Variants in VAV2 observed in about 807,000 individuals in gnomAD.
VAV2 encodes guanine nucleotide exchange factor VAV2.
VAV2 carries 67 observed loss-of-function variants against 132.5 expected under a neutral mutation model. That is an observed-to-expected ratio of 0.51 (90% CI 0.42 to 0.62). The LOEUF (loss-of-function observed/expected upper bound fraction) is 0.62, where lower values mean the gene tolerates loss of function less well. Among genes scored for constraint, VAV2 ranks in the 20% least tolerant of loss-of-function variants. The pLI is 0.00. For missense variants in VAV2, 938 were observed against 1,153.6 expected, an observed-to-expected ratio of 0.81 and a Z score of 2.71; for synonymous variants, 492 against 443.5, an observed-to-expected ratio of 1.11 and a Z score of -1.37.
At chr9:133,898,447 A>T (rs1839302986) in intron 2 of VAV2, among the ~76,000 whole-genome samples, 1 of 151,320 alleles carries the variant, frequency 6.6e-6, no homozygotes, top group Admixed American at 6.6e-5. Context: ...TACAAAAATC[A>T]GCCAGGCGTG....
chr9:133,961,480 C>T lies in VAV2; in HGVS notation c.205-22261G>A, dbSNP rs1040294633. On this transcript the variant is annotated intron_variant, in intron 1 of 29. Coordinates refer to ENST00000371850, the MANE Select transcript of VAV2 (RefSeq NM_001134398.2). This position sits in a 1 kb window ranked among gnomAD's most constrained non-coding sequence, Gnocchi z 4.1. ...CTGGAATCCCCTTCTCCAACCCAGT[C>T]GGGTTTCAGTGACCCAAGGTCAGAG... Among the ~76,000 whole-genome samples, 7 of 152,168 alleles carry T rather than the reference C, an allele frequency of 4.6e-5. No individual in the cohort carries two copies. The highest frequency in any genetic ancestry group is 1.2e-4 in the African/African-American group (5 of 41,426).
chr9:133,828,281 GCGCCCAC>G, intron 4 of VAV2, among the ~76,000 whole-genome samples: 1 of 92,212 alleles, frequency 1.1e-5, no homozygotes, highest in African/African-American at 5.5e-5. Flanking sequence ...AGCTACCGCT[GCGCCCAC>G]TGGGGCTGAC....
chr9:133,809,939 C>T (rs901750712), intron 6 of VAV2, among the ~76,000 whole-genome samples: 1 of 152,210 alleles, frequency 6.6e-6, no homozygotes, highest in Non-Finnish European at 1.5e-5. Flanking sequence ...CCATCATCAT[C>T]CTCCAAGAAA....
chr9:133,919,877 G>A lies in VAV2; in HGVS notation c.321+19226C>T, dbSNP rs950906469. Among the ~76,000 whole-genome samples the A allele has an allele frequency of 6.6e-6, 1 of 152,176 alleles. No individual in the cohort carries two copies. The highest frequency in any genetic ancestry group is 2.4e-5 in the African/African-American group (1 of 41,446). On this transcript the variant is annotated intron_variant, in intron 2 of 29. Coordinates refer to ENST00000371850, the MANE Select transcript of VAV2 (RefSeq NM_001134398.2). This position sits in a 1 kb window ranked among gnomAD's most constrained non-coding sequence, Gnocchi z 5.8. ...ACCACCCAACCGCATGTCCTCCGCGGAGCCCAGAGTCAGTTCTGCTGGACA... is the reference window on the plus strand; with the variant it reads ...ACCACCCAACCGCATGTCCTCCGCGAAGCCCAGAGTCAGTTCTGCTGGACA...
At chr9:133,897,320 G>A (rs1350428633) in intron 2 of VAV2, among the ~76,000 whole-genome samples, 1 of 152,162 alleles carries the variant, frequency 6.6e-6, no homozygotes, top group African/African-American at 2.4e-5. Context: ...GCCTCTCACT[G>A]GGTCAGGAGC....
At chr9:133,938,526 G>A (rs924067630) in intron 2 of VAV2, among the ~76,000 whole-genome samples, 37 of 152,040 alleles carry the variant, frequency 2.4e-4, no homozygotes, top group African/African-American at 7.7e-4. Flanking sequence ...CAGGACTGGT[G>A]CCATGTGAGG....
At chr9:133,986,588 C>T (rs1022577129) in intron 1 of VAV2, among the ~76,000 whole-genome samples, 4 of 152,160 alleles carry the variant, frequency 2.6e-5, no homozygotes, top group African/African-American at 7.2e-5. Flanking sequence ...TTGCAGTAAA[C>T]GCACTGATGC....
chr9:133,964,048 TACATATATATACATATATATAA>T lies in VAV2; in HGVS notation c.205-24851_205-24830del, dbSNP rs1360379757. Among the ~76,000 whole-genome samples, 17 of 80,472 alleles carry T rather than the reference TACATATATATACATATATATAA, an allele frequency of 2.1e-4. 3 individuals are homozygous for T. Among genetic ancestry groups the T allele is most frequent in the South Asian group, 2.1e-3 (4 of 1,896 alleles). 52.8% of individuals were successfully genotyped at this position (80,472 alleles called of 152,430 possible). On this transcript the variant is annotated intron_variant, in intron 1 of 29. Coordinates refer to ENST00000371850, the MANE Select transcript of VAV2 (RefSeq NM_001134398.2). ...ATATATATATATATATATATATATATACATATATATACATATATATAAATGAATAGGCCAGGTATGTTGGCTC... is the reference window on the plus strand; with the variant it reads ...ATATATATATATATATATATATATATATGAATAGGCCAGGTATGTTGGCTC...
intron 2 of VAV2, among the ~76,000 whole-genome samples, chr9:133,898,114 G>T (rs1290819482): frequency 6.6e-6 from 1 of 152,022 alleles, no homozygotes; most frequent in Non-Finnish European, 1.5e-5. Context: ...CTGCATCCGG[G>T]TACCCTGAGG....
intron 2 of VAV2, among the ~76,000 whole-genome samples, chr9:133,915,924 C>T (rs10993854): frequency 0.11 from 16,028 of 151,604 alleles, 1,577 homozygotes; most frequent in African/African-American, 0.26. Context: ...ACACAATGCA[C>T]ACATGCACAC....
rs1018570207 is a variant in VAV2, at chr9:133,960,987, G to T, written c.205-21768C>A. 1.8e-4 allele frequency among the ~76,000 whole-genome samples: 28 copies of T among 152,302 alleles called. No homozygotes were observed. The East Asian group carries it at 4.6e-3, about 25-fold the overall frequency. On this transcript the variant is annotated intron_variant, in intron 1 of 29. Coordinates refer to ENST00000371850, the MANE Select transcript of VAV2 (RefSeq NM_001134398.2). ...CAGGAGGGCGTGCTTGGAGAGGAAT[G>T]GTGACCACAGGTCTGCCGCCTTGCA... is the stretch of plus-strand genomic sequence containing the variant.
chr9:133,898,363 C>T (rs777335995), intron 2 of VAV2, among the ~76,000 whole-genome samples: 1 of 151,784 alleles, frequency 6.6e-6, no homozygotes, highest in Non-Finnish European at 1.5e-5. Context: ...CTGAGGTGGG[C>T]GGATCACCTG....
chr9:133,929,047 G>GC (rs1481515572), intron 2 of VAV2, among the ~76,000 whole-genome samples: 1 of 152,246 alleles, frequency 6.6e-6, no homozygotes, highest in Non-Finnish European at 1.5e-5. Context: ...CCCGCCCACA[G>GC]CCCTCGGCAT....
intron 3 of VAV2, among the ~76,000 whole-genome samples, chr9:133,851,830 T>TGGATGGAG (rs1837187836): frequency 6.7e-6 from 1 of 150,288 alleles, no homozygotes; most frequent in Admixed American, 6.6e-5. Context: ...GATGGATGGA[T>TGGATGGAG]GGATGCACAA....
In VAV2 at chr9:133,823,089, C is replaced by T. The variant is rs1835857491; in HGVS notation, c.450-10873G>A. Among the ~76,000 whole-genome samples, 2 of 152,230 alleles carry T rather than the reference C, an allele frequency of 1.3e-5. No homozygotes were observed. On this transcript the variant is annotated intron_variant, in intron 4 of 29. Coordinates refer to ENST00000371850, the MANE Select transcript of VAV2 (RefSeq NM_001134398.2). The surrounding 1 kb of genome is among the most constrained non-coding windows in gnomAD (Gnocchi z 5.5). ...AGCGTATGGACCTATGGCTCAGATC[C>T]TCCAGTATGGGAATCGTGAATGCTC... is the stretch of plus-strand genomic sequence containing the variant.
Position 133,788,544 on chromosome 9 carries a change from G to C in VAV2, c.1275-58C>G, listed in dbSNP as rs1401504503. The C allele has an allele frequency of 6.4e-7, 1 of 1,569,796 alleles. No homozygotes were observed. Among genetic ancestry groups the C allele is most frequent in the African/African-American group, 1.3e-5 (1 of 74,154 alleles). ...CCCAGCACTGTGTGCTCTGCTCCGA[G>C]GAGGCGGCAGGAGCTGAGCCTGAGG... On this transcript the variant is annotated intron_variant, in intron 14 of 29. Transcript: ENST00000371850. The surrounding 1 kb of genome is among the most constrained non-coding windows in gnomAD (Gnocchi z 5.3).
rs1839935272 is a variant in VAV2, at chr9:133,912,962, C to G, written c.321+26141G>C. On this transcript the variant is annotated intron_variant, in intron 2 of 29. Coordinates refer to ENST00000371850, the MANE Select transcript of VAV2 (RefSeq NM_001134398.2). The surrounding 1 kb of genome is among the most constrained non-coding windows in gnomAD (Gnocchi z 4.3). The stretch of plus-strand genomic sequence containing the variant: ...GCACAGTCCACGGGCGGTGGAGTGC[C>G]ATTTGGAACCGGGTTTGGGAGGCAG... Among the ~76,000 whole-genome samples, 2 of 152,158 alleles carry G rather than the reference C, an allele frequency of 1.3e-5. No individual in the cohort carries two copies. The highest frequency in any genetic ancestry group is 4.1e-4 in the South Asian group (2 of 4,832).
intron 2 of VAV2, among the ~76,000 whole-genome samples, chr9:133,896,950 C>T (rs906950368): frequency 3.2e-4 from 48 of 151,790 alleles, no homozygotes; most frequent in Middle Eastern, 3.4e-3. Context: ...AAAAATTAGC[C>T]CGGCGTGGTG....
chr9:133,974,769 C>A (rs865983266), intron 1 of VAV2, among the ~76,000 whole-genome samples: 16 of 151,308 alleles, frequency 1.1e-4, no homozygotes, highest in African/African-American at 3.2e-4. Flanking sequence ...TAGGTCACGC[C>A]CTGCACCCAG....
Sources: gnomAD v4.1 joint callset for allele counts (sites outside exome capture counted in the v4.1 genomes callset) on GRCh38, gnomAD v4.1.1 for gene constraint, Gnocchi (gnomAD v3.1) non-coding constraint, MANE v1.5 for transcripts, NCBI Gene and HGNC (gene_info 2026-07-23, HGNC 2026-07-21) for gene names.